Variants in PTPRD observed in about 807,000 individuals in gnomAD.
PTPRD encodes the protein protein tyrosine phosphatase receptor type D.
A neutral mutation model predicts 214.5 loss-of-function variants in PTPRD; 34 were observed. That is an observed-to-expected ratio of 0.16 (90% confidence interval 0.12 to 0.21). PTPRD has a LOEUF of 0.21. Among genes scored for constraint, PTPRD ranks in the 10% least tolerant of loss-of-function variants. PTPRD has a pLI of 1.00. For synonymous variants in PTPRD, 1,128 were observed against 845.7 expected, an observed-to-expected ratio of 1.33 and a Z score of -5.79; for missense variants, 2,545 against 2,398.7, an observed-to-expected ratio of 1.06 and a Z score of -1.27.
Position 10,090,919 on chromosome 9 carries a change from T to TACACACACACAC in PTPRD, c.-544-57141_-544-57130dup, listed in dbSNP as rs1162698970. On this transcript the variant is annotated intron_variant, in intron 3 of 45. Transcript: ENST00000381196. ...GACATTTGTGTATATAAATGAAATA[T>TACACACACACAC]ACACACACACACACACACACACACA... Among the ~76,000 whole-genome samples the TACACACACACAC allele has an allele frequency of 1.1e-3, 109 of 99,672 alleles. 1 individual carries two copies. The highest frequency in any genetic ancestry group is 3.1e-3 in the South Asian group (10 of 3,240). 65.4% of individuals were successfully genotyped at this position (99,672 alleles called of 152,430 possible). A position where few individuals can be genotyped will look rare whatever the true frequency, so the allele number is the denominator to read the frequency against.
At chr9:9,614,205 T>A (rs762866784) in intron 7 of PTPRD, among the ~76,000 whole-genome samples, 5 of 151,944 alleles carry the variant, frequency 3.3e-5, no homozygotes, top group African/African-American at 4.8e-5. Flanking sequence ...TACAAAGTGG[T>A]TAATTTTAGA....
intron 7 of PTPRD, among the ~76,000 whole-genome samples, chr9:9,732,179 G>A (rs1281342225): frequency 6.6e-6 from 1 of 151,992 alleles, no homozygotes; most frequent in African/African-American, 2.4e-5. Context: ...GTGATGGTGG[G>A]GCTTGTAAAG....
rs2132506749 is a variant in PTPRD, at chr9:8,341,830, A to T, written c.4810T>A (p.Phe1604Ile). 1.9e-6 allele frequency: 3 copies of T among 1,613,572 alleles called. No homozygotes were observed. Among genetic ancestry groups the T allele is most frequent in the Non-Finnish European group, 2.5e-6 (3 of 1,179,692 alleles). The change falls in exon 40 of 46, where the codon TTT becomes ATT. Residue 1604 changes from phenylalanine to isoleucine, a missense_variant. By Grantham distance (21) the Phe-to-Ile change is conservative (BLOSUM62 0). Coordinates refer to ENST00000381196, the MANE Select transcript of PTPRD (RefSeq NM_002839.4). Reference protein sequence around the residue: ...YMVQTEDQYIFIHDALLEAVT... With the variant: ...YMVQTEDQYIIIHDALLEAVT... ...GCTTCTAACAGTGCATCATGGATAA[A>T]GATGTATTGGTCTTCTGTTTGAACC...
At chr9:8,883,912 T>G (rs2154220686) in intron 11 of PTPRD, among the ~76,000 whole-genome samples, 1 of 152,244 alleles carries the variant, frequency 6.6e-6, no homozygotes, top group South Asian at 2.1e-4. Flanking sequence ...ACAATTATTT[T>G]CTCCCACAGA....
At chr9:8,321,876 G>A (rs900282910) in intron 44 of PTPRD, among the ~76,000 whole-genome samples, 4 of 151,866 alleles carry the variant, frequency 2.6e-5, no homozygotes, top group Admixed American at 6.6e-5. Flanking sequence ...CAAATTGAAC[G>A]TCTGTGTCAA....
At chr9:8,753,064 T>C (rs2093676148) in intron 11 of PTPRD, among the ~76,000 whole-genome samples, 1 of 152,214 alleles carries the variant, frequency 6.6e-6, no homozygotes. Flanking sequence ...TAAATTAATT[T>C]GGTCTTCTGG....
intron 2 of PTPRD, among the ~76,000 whole-genome samples, chr9:10,457,596 A>G (rs2098927936): frequency 6.6e-6 from 1 of 152,010 alleles, no homozygotes; most frequent in South Asian, 2.1e-4. Flanking sequence ...GAGTACTGAA[A>G]TCTCTAGGTG....
chr9:9,854,243 A>AT (rs1206885494), intron 5 of PTPRD, among the ~76,000 whole-genome samples: 7 of 152,300 alleles, frequency 4.6e-5, no homozygotes, highest in South Asian at 2.1e-4. Context: ...AGATGATACA[A>AT]TTAATTATAC....
intron 11 of PTPRD, among the ~76,000 whole-genome samples, chr9:9,010,413 T>G (rs1445088721): frequency 6.6e-6 from 1 of 152,192 alleles, no homozygotes; most frequent in Non-Finnish European, 1.5e-5. Flanking sequence ...TCTGGTGAGT[T>G]CAACATTTAT....
chr9:9,950,060 C>G (rs1357376060), intron 4 of PTPRD, among the ~76,000 whole-genome samples: 1 of 152,170 alleles, frequency 6.6e-6, no homozygotes, highest in African/African-American at 2.4e-5. Context: ...CATAGTCCAG[C>G]CCATAGATAT....
At chr9:10,476,343 G>C (rs2099062468) in intron 2 of PTPRD, among the ~76,000 whole-genome samples, 1 of 152,064 alleles carries the variant, frequency 6.6e-6, no homozygotes, top group East Asian at 1.9e-4. Flanking sequence ...ACCAATAGTA[G>C]ACAAACAGAA....
intron 7 of PTPRD, among the ~76,000 whole-genome samples, chr9:9,610,286 C>T (rs1232367702): frequency 3.3e-5 from 5 of 151,970 alleles, no homozygotes; most frequent in African/African-American, 9.7e-5. Context: ...AAAAAAATGC[C>T]GTATGAAAAT....
At chr9:8,591,487 G>A (rs1210772093) in intron 14 of PTPRD, among the ~76,000 whole-genome samples, 1 of 152,106 alleles carries the variant, frequency 6.6e-6, no homozygotes, top group Non-Finnish European at 1.5e-5. Context: ...TTATTGGCAG[G>A]TTGGATTTAA....
In PTPRD at chr9:10,424,343, C is replaced by G. The variant is rs2098592009; in HGVS notation, c.-599-83326G>C. On this transcript the variant is annotated intron_variant, in intron 2 of 45. Coordinates refer to ENST00000381196, the MANE Select transcript of PTPRD (RefSeq NM_002839.4). Reference sequence around the variant, plus strand: ...TCTCTCTCTCTCTCTCTCTCTCTCTCAGGAATTATGAGATCTGTTATTATA... The same window carrying G: ...TCTCTCTCTCTCTCTCTCTCTCTCTGAGGAATTATGAGATCTGTTATTATA... Among the ~76,000 whole-genome samples the G allele has an allele frequency of 2.0e-5, 3 of 150,508 alleles. No homozygotes were observed. In the South Asian group the frequency reaches 6.3e-4, roughly 31 times the overall value.
chr9:10,109,800 C>G (rs1481547362), intron 3 of PTPRD, among the ~76,000 whole-genome samples: 1 of 151,972 alleles, frequency 6.6e-6, no homozygotes, highest in Non-Finnish European at 1.5e-5. Context: ...AAAATAGGAG[C>G]TAGAAAATGA....
intron 2 of PTPRD, among the ~76,000 whole-genome samples, chr9:10,564,222 C>T (rs1406862418): frequency 1.1e-5 from 1 of 91,976 alleles, no homozygotes; most frequent in Non-Finnish European, 2.1e-5. Context: ...CCTGTTCTGC[C>T]TAGGCTTGTC....
Position 10,538,239 on chromosome 9 carries a change from A to AAAAT in PTPRD, c.-600+74155_-600+74158dup, listed in dbSNP as rs139133858. 7.6e-3 allele frequency among the ~76,000 whole-genome samples: 988 copies of AAAAT among 130,336 alleles called. 5 individuals are homozygous for AAAAT. Among genetic ancestry groups the AAAAT allele is most frequent in the East Asian group, 0.012 (51 of 4,388 alleles). 85.5% of individuals were successfully genotyped at this position (130,336 alleles called of 152,430 possible). A position where few individuals can be genotyped will look rare whatever the true frequency, so the allele number is the denominator to read the frequency against. On this transcript the variant is annotated intron_variant, in intron 2 of 45. Transcript: ENST00000381196. ...TAGAGAGGTGAGAAAGCCTCATCAT[A>AAAAT]AAATAAATAAATAAATAAATAAATA...
chr9:10,060,800 C>G (rs1408732348), intron 3 of PTPRD, among the ~76,000 whole-genome samples: 5 of 124,186 alleles, frequency 4.0e-5, no homozygotes, highest in African/African-American at 2.7e-4. Context: ...TTCTTTCTTT[C>G]TTCCTTTCTT....
At chr9:9,964,978 A>G (rs7027105) in intron 4 of PTPRD, among the ~76,000 whole-genome samples, 12,932 of 152,196 alleles carry the variant, frequency 0.085, 866 homozygotes, top group East Asian at 0.36. Context: ...ATGCAAAAAT[A>G]GGATGCTAAC....
Sources: gnomAD v4.1 joint callset for allele counts (sites outside exome capture counted in the v4.1 genomes callset) on GRCh38, gnomAD v4.1.1 for gene constraint, MANE v1.5 for transcripts, NCBI Gene and HGNC (gene_info 2026-07-23, HGNC 2026-07-21) for gene names.